The following BPI variants were observed in gnomAD, a reference collection of about 807,000 sequenced individuals.
BPI encodes bactericidal permeability increasing protein.
BPI carries 48 observed loss-of-function variants against 57.6 expected under a neutral mutation model. That is an observed-to-expected ratio of 0.83 (90% CI 0.66 to 1.06). The LOEUF (loss-of-function observed/expected upper bound fraction) is 1.06. Among genes scored for constraint, BPI ranks in the 50% least tolerant of loss-of-function variants. BPI has a pLI of 0.00. For missense variants in BPI, 651 were observed against 609.7 expected, an observed-to-expected ratio of 1.07 and a Z score of -0.71; for synonymous variants, 237 against 238.2, an observed-to-expected ratio of 0.99 and a Z score of 0.05.
chr20:38,328,997 C>A (rs969352447), intron 11 of BPI, among the ~76,000 whole-genome samples: 1 of 142,892 alleles, frequency 7.0e-6, no homozygotes, highest in African/African-American at 2.7e-5. Flanking sequence ...CAGAGCAAGA[C>A]CCTGTCTCTA....
intron 12 of BPI, among the ~76,000 whole-genome samples, chr20:38,333,166 T>A (rs777645456): frequency 6.6e-6 from 1 of 152,034 alleles, no homozygotes; most frequent in Non-Finnish European, 1.5e-5. Context: ...GCAACCTCAC[T>A]GTATTTTCAT....
At chr20:38,332,615 G>A (rs1255827335) in intron 12 of BPI, among the ~76,000 whole-genome samples, 2 of 152,138 alleles carry the variant, frequency 1.3e-5, no homozygotes, top group Non-Finnish European at 1.5e-5. Context: ...TGAGGGAAAG[G>A]ATTGTCCAGG....
At chr20:38,312,236 T>G (rs925251807) in intron 5 of BPI, among the ~76,000 whole-genome samples, 28 of 152,222 alleles carry the variant, frequency 1.8e-4, no homozygotes, top group Admixed American at 1.6e-3. Context: ...ATTCTCTTTC[T>G]GCCTCCCTCT....
intron 1 of BPI, among the ~76,000 whole-genome samples, chr20:38,307,338 G>A (rs2076601616): frequency 1.3e-5 from 2 of 152,220 alleles, no homozygotes; most frequent in Non-Finnish European, 2.9e-5. Context: ...GCTGTTTTGT[G>A]CAGTAATGGC....
rs1568809192 is a variant in BPI at position 38,310,610 on chromosome 20, A to C, written c.494A>C (p.His165Pro). ...PTITCSSCSS[H>P]INSVHVHISK... ...ATCACCTGCTCCAGCTGCAGCAGCC[A>C]CATCAACAGTGTCCACGTGCACATC... Residue 165 changes from histidine to proline, a missense_variant, in exon 4 of 15, where the codon CAC becomes CCC. By Grantham distance (77) the His-to-Pro change is moderately conservative (BLOSUM62 -2). Transcript: ENST00000642449. 1 of 1,614,150 alleles carries C rather than the reference A, an allele frequency of 6.2e-7. No homozygotes were observed. Among genetic ancestry groups the C allele is most frequent in the Non-Finnish European group, 8.5e-7 (1 of 1,179,988 alleles).
chr20:38,326,385 G>A lies in BPI; in HGVS notation c.1114G>A (p.Ala372Thr), dbSNP rs1600710255. ...CCCTGCCGTGGATGTCCAGGCCTTT[G>A]CCGTCCTCCCCAACTCCTCCCTGGC... ...FYPAVDVQAF[A>T]VLPNSSLASL... The change falls in exon 10 of 15, where the codon GCC becomes ACC. Residue 372 changes from alanine (A) to threonine (T), a missense_variant. Coordinates refer to ENST00000642449, the MANE Select transcript of BPI (RefSeq NM_001725.3). 6.2e-7 allele frequency: 1 copy of A among 1,614,114 alleles called. No homozygotes were observed. The highest frequency in any genetic ancestry group is 8.5e-7 in the Non-Finnish European group (1 of 1,180,010).
At chr20:38,336,593 C>T (rs1200767741) in intron 14 of BPI, among the ~76,000 whole-genome samples, 1 of 152,118 alleles carries the variant, frequency 6.6e-6, no homozygotes, top group Non-Finnish European at 1.5e-5. Flanking sequence ...CCCTCCCTCT[C>T]CCTTTCCCCC....
At chr20:38,326,760 T>C (rs1413824566) in intron 10 of BPI, among the ~76,000 whole-genome samples, 1 of 152,258 alleles carries the variant, frequency 6.6e-6, no homozygotes, top group African/African-American at 2.4e-5. Flanking sequence ...CAATTATGCA[T>C]TTGTGTATTT....
chr20:38,332,448 T>C (rs2076747395), intron 12 of BPI, among the ~76,000 whole-genome samples: 1 of 152,128 alleles, frequency 6.6e-6, no homozygotes, highest in Non-Finnish European at 1.5e-5. Flanking sequence ...TAGTGAGAGA[T>C]ATGAGCCTCT....
intron 5 of BPI, among the ~76,000 whole-genome samples, chr20:38,316,412 C>T (rs1381220768): frequency 6.6e-6 from 1 of 152,190 alleles, no homozygotes; most frequent in African/African-American, 2.4e-5. Flanking sequence ...GACAGTTGTC[C>T]TTGAGGCAGC....
intron 5 of BPI, chr20:38,317,787 A>G: frequency 7.0e-7 from 1 of 1,436,518 alleles, no homozygotes; most frequent in Non-Finnish European, 9.6e-7. Context: ...GGTCTAGATA[A>G]ATGGAACAAC....
At position 38,318,476 on chromosome 20, in the gene BPI, G is replaced by C. The variant is rs747360374; in HGVS notation, c.664G>C (p.Val222Leu). The C allele has an allele frequency of 2.5e-6, 4 of 1,612,534 alleles. No individual in the cohort carries two copies. In the Admixed American group the frequency reaches 6.7e-5, roughly 27 times the overall value. ...ELQPYFQTLP[V>L]MTKIDSVAGI... The stretch of plus-strand genomic sequence containing the variant: ...GCAACCTTATTTCCAGACTCTGCCA[G>C]GTGAGGGCTGGATGAAGATCAAGGA... Residue 222 changes from valine to leucine, a missense_variant and splice_region_variant, in exon 6 of 15, where the codon GTA becomes CTA. By Grantham distance (32) the Val-to-Leu change is conservative (BLOSUM62 1). Coordinates refer to ENST00000642449, the MANE Select transcript of BPI (RefSeq NM_001725.3).
intron 10 of BPI, among the ~76,000 whole-genome samples, chr20:38,327,176 T>G (rs1337176049): frequency 6.6e-6 from 1 of 152,192 alleles, no homozygotes; most frequent in Non-Finnish European, 1.5e-5. Flanking sequence ...AGCTGAGACC[T>G]GTTATTCCCA....
intron 11 of BPI, among the ~76,000 whole-genome samples, chr20:38,328,219 G>T (rs2076723478): frequency 6.6e-6 from 1 of 152,154 alleles, no homozygotes; most frequent in Admixed American, 6.5e-5. Flanking sequence ...ACCTTGGCAA[G>T]CACCAAAACG....
At chr20:38,324,992 A>G (rs1319892658) in intron 9 of BPI, among the ~76,000 whole-genome samples, 159 bp downstream of exon 9, 4 of 152,226 alleles carry the variant, frequency 2.6e-5, no homozygotes, top group African/African-American at 9.6e-5. Flanking sequence ...CACAGAACAG[A>G]GAAAAGCTCC....
chr20:38,329,960 C>T (rs1026521992), intron 11 of BPI, among the ~76,000 whole-genome samples: 1 of 152,168 alleles, frequency 6.6e-6, no homozygotes, highest in Non-Finnish European at 1.5e-5. Flanking sequence ...GATCTGCCTG[C>T]CTCAGCCTCC....
At chr20:38,307,524 C>T (rs777843869) in intron 1 of BPI, 43 bp from the exon 2 acceptor site, 4 of 1,477,732 alleles carry the variant, frequency 2.7e-6, no homozygotes, top group Non-Finnish European at 3.7e-6. Flanking sequence ...GTCCCCTGCT[C>T]CAGGCTGTGC....
Position 38,307,677 on chromosome 20 carries a change from T to A in BPI, c.241T>A (p.Tyr81Asn). The A allele has an allele frequency of 1.2e-6, 2 of 1,608,140 alleles. No individual in the cohort carries two copies. The highest frequency in any genetic ancestry group is 1.7e-6 in the Non-Finnish European group (2 of 1,176,028). The change falls in exon 2 of 15, where the codon TAC (tyrosine) becomes AAC (asparagine). Residue 81 changes from tyrosine (Y) to asparagine (N), a missense_variant. Tyr to Asn is a moderately radical substitution (Grantham distance 143). Coordinates refer to ENST00000642449, the MANE Select transcript of BPI (RefSeq NM_001725.3). ...KHLGKGHYSFYSMDIREFQLP... is the reference protein window; with the variant it reads ...KHLGKGHYSFNSMDIREFQLP... ...TCTTGGGAAGGGGCATTATAGCTTCTACAGGTGAGGCCTATCAGAGCTCAA... is the reference window on the plus strand; with the variant it reads ...TCTTGGGAAGGGGCATTATAGCTTCAACAGGTGAGGCCTATCAGAGCTCAA...
intron 6 of BPI, among the ~76,000 whole-genome samples, chr20:38,319,440 A>G (rs924104675): frequency 2.6e-4 from 39 of 152,316 alleles, no homozygotes; most frequent in African/African-American, 9.4e-4. Flanking sequence ...GGCACATAGT[A>G]TATGCCCATT....
Sources: gnomAD v4.1 joint callset for allele counts (sites outside exome capture counted in the v4.1 genomes callset) on GRCh38, gnomAD v4.1.1 for gene constraint, MANE v1.5 for transcripts, NCBI Gene and HGNC (gene_info 2026-07-23, HGNC 2026-07-21) for gene names.